The following VPS8 variants were observed in gnomAD, a reference collection of about 807,000 sequenced individuals.
VPS8 encodes the protein vacuolar protein sorting-associated protein 8 homolog.
A neutral mutation model predicts 216.4 loss-of-function variants in VPS8; 129 were observed. The observed-to-expected ratio is 0.60, with a 90% CI of 0.52 to 0.69. The LOEUF (loss-of-function observed/expected upper bound fraction) is 0.69, where lower values mean the gene tolerates loss of function less well. VPS8 is among the 30% of genes least tolerant of loss of function. The pLI is 0.00. For synonymous variants in VPS8, 571 were observed against 565.4 expected, an observed-to-expected ratio of 1.01 and a Z score of -0.14; for missense variants, 1,531 against 1,683.5, an observed-to-expected ratio of 0.91 and a Z score of 1.59.
chr3:184,890,857 AT>A (rs901685761), intron 22 of VPS8, among the ~76,000 whole-genome samples: 10 of 151,972 alleles, frequency 6.6e-5, no homozygotes, highest in African/African-American at 2.4e-4. Context: ...CCACAATTTC[AT>A]TTCAATTTGG....
At chr3:184,939,955 C>T (rs564740810) in intron 35 of VPS8, among the ~76,000 whole-genome samples, 4 of 151,930 alleles carry the variant, frequency 2.6e-5, no homozygotes, top group South Asian at 4.2e-4. Flanking sequence ...CTGTTTTGGG[C>T]GATAATAGGG....
At chr3:184,977,889 T>TC (rs912901398) in intron 40 of VPS8, among the ~76,000 whole-genome samples, 4 of 149,824 alleles carry the variant, frequency 2.7e-5, no homozygotes, top group African/African-American at 7.3e-5. Flanking sequence ...TTTTTCTTTT[T>TC]TTTTTTTTTT....
chr3:184,969,603 T>C (rs1748054084), intron 39 of VPS8, among the ~76,000 whole-genome samples: 1 of 151,354 alleles, frequency 6.6e-6, no homozygotes, highest in South Asian at 2.1e-4. Context: ...CTAATCTTTG[T>C]ATTTTTAGTT....
At chr3:184,936,884 C>A (rs1741749346) in intron 35 of VPS8, among the ~76,000 whole-genome samples, 2 of 151,864 alleles carry the variant, frequency 1.3e-5, no homozygotes, top group African/African-American at 2.4e-5. Flanking sequence ...ACTACAGATG[C>A]CTGCCACCAT....
intron 1 of VPS8, among the ~76,000 whole-genome samples, chr3:184,813,117 G>A (rs1355473415): frequency 6.6e-6 from 1 of 152,090 alleles, no homozygotes; most frequent in Non-Finnish European, 1.5e-5. Flanking sequence ...AGGATAGGGT[G>A]GGAGGAGGTA....
Position 184,855,845 on chromosome 3 carries a change from G to T in VPS8, c.1143+27G>T, listed in dbSNP as rs375013122. On this transcript the variant is annotated intron_variant, in intron 14 of 47. Coordinates refer to ENST00000625842, the MANE Select transcript of VPS8 (RefSeq NM_001009921.3). ...TAAGTCCTAATATGACCATTAGAAA[G>T]CCTCTTACAATTTTTTTTATTCATC... 1.8e-4 allele frequency: 272 copies of T among 1,549,306 alleles called. 1 individual carries two copies. The Middle Eastern group carries it at 7.3e-3, about 42-fold the overall frequency.
At chr3:185,004,244 G>A (rs865989920) in intron 45 of VPS8, among the ~76,000 whole-genome samples, 11 of 152,236 alleles carry the variant, frequency 7.2e-5, no homozygotes, top group Admixed American at 3.3e-4. Context: ...CCGGGAGGCC[G>A]AGGCTGGCGG....
Position 184,998,688 on chromosome 3 carries a change from C to T in VPS8, c.3837-1008C>T, listed in dbSNP as rs1034314365. Among the ~76,000 whole-genome samples, 2 of 149,770 alleles carry T rather than the reference C, an allele frequency of 1.3e-5. 1 individual carries two copies. The highest frequency in any genetic ancestry group is 1.3e-4 in the Admixed American group (2 of 15,142). Reference sequence around the variant, plus strand: ...ATGGCTGAGAATTATTCTCAGTACTCAACTTCTGGGAGGCTGATTTGGTAA... The same window carrying T: ...ATGGCTGAGAATTATTCTCAGTACTTAACTTCTGGGAGGCTGATTTGGTAA... On this transcript the variant is annotated intron_variant, in intron 44 of 47. Coordinates refer to ENST00000625842, the MANE Select transcript of VPS8 (RefSeq NM_001009921.3).
intron 39 of VPS8, among the ~76,000 whole-genome samples, chr3:184,969,792 AAATCACTAC>A (rs1748097023): frequency 6.6e-6 from 1 of 151,836 alleles, no homozygotes; most frequent in Non-Finnish European, 1.5e-5. Context: ...CATTCCCCCA[AAATCACTAC>A]AATCATTTGC....
chr3:184,967,294 A>G (rs1747578484), intron 39 of VPS8, among the ~76,000 whole-genome samples: 1 of 152,206 alleles, frequency 6.6e-6, no homozygotes, highest in African/African-American at 2.4e-5. Flanking sequence ...TTTTGCTATA[A>G]CAAAAGTATG....
At chr3:184,869,148 C>A in intron 19 of VPS8, 112 bp downstream of exon 19, 1 of 1,006,614 alleles carries the variant, frequency 9.9e-7, no homozygotes. Flanking sequence ...TGTTTATAAA[C>A]AGGATGCTAA....
chr3:184,950,865 G>C (rs755245192), intron 36 of VPS8, among the ~76,000 whole-genome samples: 4 of 152,166 alleles, frequency 2.6e-5, no homozygotes, highest in Non-Finnish European at 4.4e-5. Context: ...ATGGCTTCCA[G>C]CTTCATCCAT....
intron 37 of VPS8, among the ~76,000 whole-genome samples, chr3:184,962,799 G>A (rs909474053): frequency 6.7e-6 from 1 of 150,364 alleles, no homozygotes; most frequent in African/African-American, 2.5e-5. Flanking sequence ...TGGAATAAAG[G>A]ACATTCTCTT....
intron 7 of VPS8, among the ~76,000 whole-genome samples, chr3:184,840,970 G>A (rs565693140): frequency 6.6e-6 from 1 of 152,208 alleles, no homozygotes; most frequent in African/African-American, 2.4e-5. Context: ...TGTTGGTTTT[G>A]AATGATTTGG....
At position 184,928,466 on chromosome 3, in the gene VPS8, C is replaced by T. The variant is rs746316382; in HGVS notation, c.2647C>T (p.Leu883=). The change falls in exon 32 of 48, where the codon CTG becomes TTG. Residue 883 remains leucine, a synonymous_variant. Coordinates refer to ENST00000625842, the MANE Select transcript of VPS8 (RefSeq NM_001009921.3). Reference sequence around the variant, plus strand: ...AAATACTCAGGTCCTTTTAGAATTGCTGCAGGCTGGAGGCATAGTTCAATT... The same window carrying T: ...AAATACTCAGGTCCTTTTAGAATTGTTGCAGGCTGGAGGCATAGTTCAATT... The part of the protein sequence containing the change: ...SERQQVLLEL[L]QAGGIVQFEE... 9.1e-6 allele frequency: 14 copies of T among 1,533,448 alleles called. No individual in the cohort carries two copies. In the South Asian group the frequency reaches 1.2e-4, roughly 13 times the overall value. The allele number at this position is 1,533,448 out of a possible 1,614,324, so 95.0% of individuals were successfully genotyped here.
At position 184,868,950 on chromosome 3, in the gene VPS8, T is replaced by C; in HGVS notation, c.1511T>C (p.Val504Ala). The change falls in exon 19 of 48, where the codon GTG becomes GCG. Residue 504 changes from valine to alanine, a missense_variant. Coordinates refer to ENST00000625842, the MANE Select transcript of VPS8 (RefSeq NM_001009921.3). The part of the protein sequence containing the change: ...VMMLRSWRER[V>A]DHLLKQDCLT... The stretch of plus-strand genomic sequence containing the variant: ...TCTCTCATTTTTCCGTTTTAGAGAG[T>C]GGATCATCTCCTGAAACAAGATTGT... 1 of 1,606,324 alleles carries C rather than the reference T, an allele frequency of 6.2e-7. No homozygotes were observed. Among genetic ancestry groups the C allele is most frequent in the Non-Finnish European group, 8.5e-7 (1 of 1,176,436 alleles).
intron 40 of VPS8, among the ~76,000 whole-genome samples, chr3:184,979,939 GT>G (rs1304491050): frequency 6.6e-6 from 1 of 152,184 alleles, no homozygotes; most frequent in African/African-American, 2.4e-5. Context: ...GCCAGTAATA[GT>G]CTTTTGTTTC....
At chr3:184,862,819 C>A in intron 15 of VPS8, 78 bp from the exon 16 acceptor site, 1 of 1,434,458 alleles carries the variant, frequency 7.0e-7, no homozygotes, top group South Asian at 1.3e-5. Flanking sequence ...TTTAATCGAG[C>A]AGCCAAGCTT....
chr3:184,929,804 A>G (rs897666890), intron 33 of VPS8, 140 bp downstream of exon 33: 9 of 542,846 alleles, frequency 1.7e-5, no homozygotes, highest in Admixed American at 4.1e-5. Context: ...CAGTTCTTGC[A>G]GTTTTGGAAT....
Sources: gnomAD v4.1 joint callset for allele counts (sites outside exome capture counted in the v4.1 genomes callset) on GRCh38, gnomAD v4.1.1 for gene constraint, MANE v1.5 for transcripts, NCBI Gene and HGNC (gene_info 2026-07-23, HGNC 2026-07-21) for gene names.